Variants in STIM1 observed in about 807,000 individuals in gnomAD.
The protein encoded by STIM1 is stromal interaction molecule 1.
STIM1 carries 25 observed loss-of-function variants against 74.7 expected under a neutral mutation model. The observed-to-expected ratio is 0.33, with a 90% CI of 0.24 to 0.47. STIM1 has a LOEUF of 0.47. STIM1 is among the 20% of genes least tolerant of loss of function. The pLI, the probability that STIM1 is intolerant of heterozygous loss-of-function variation, is 1.00. For synonymous variants in STIM1, 328 were observed against 348.8 expected (o/e 0.94, Z 0.66); for missense variants, 728 against 920.8 (o/e 0.79, Z 2.71).
At chr11:4,066,247 C>T (rs1304573892) in intron 5 of STIM1, among the ~76,000 whole-genome samples, 2 of 152,180 alleles carry the variant, frequency 1.3e-5, no homozygotes, top group African/African-American at 2.4e-5. Flanking sequence ...TTACTCTGCC[C>T]TGGCTATGGT....
At chr11:3,866,634 TC>T (rs2090869106) in intron 1 of STIM1, among the ~76,000 whole-genome samples, 1 of 151,938 alleles carries the variant, frequency 6.6e-6, no homozygotes, top group African/African-American at 2.4e-5. Flanking sequence ...ACCATGTTGA[TC>T]AGGCTGGTCT....
At chr11:3,868,813 G>C (rs2090967024) in intron 1 of STIM1, among the ~76,000 whole-genome samples, 1 of 152,144 alleles carries the variant, frequency 6.6e-6, no homozygotes, top group Admixed American at 6.5e-5. Context: ...TTTGTAGTTA[G>C]TGTTCTTTAT....
rs752777695 is a variant in STIM1 at position 4,084,728 on chromosome 11, C to T, written c.1530C>T (p.Ser510=). 31 of 1,289,304 alleles carry T rather than the reference C, an allele frequency of 2.4e-5. No individual in the cohort carries two copies. Among genetic ancestry groups the T allele is most frequent in the African/African-American group, 1.2e-4 (8 of 65,868 alleles). 79.9% of individuals were successfully genotyped at this position (1,289,304 alleles called of 1,614,324 possible). A position where few individuals can be genotyped will look rare whatever the true frequency, so the allele number is the denominator to read the frequency against. ...RFSDRSLCST[S]AGSDDQSLWK... ...GTGACCGCTCTCTCTGCTCTACATC[C>T]GCCGGCTCGGATGATCAGTCCCTCT... Residue 510 remains serine, a synonymous_variant, in exon 11 of 13, where the codon TCC becomes TCT. Transcript: ENST00000526596.
At chr11:4,081,800 C>T (rs2094466972) in intron 7 of STIM1, among the ~76,000 whole-genome samples, 2 of 152,218 alleles carry the variant, frequency 1.3e-5, no homozygotes, top group South Asian at 4.1e-4. Context: ...TTCTGTCACA[C>T]TGTGATGTCT....
At chr11:3,998,488 G>A (rs2093682788) in intron 2 of STIM1, among the ~76,000 whole-genome samples, 1 of 152,110 alleles carries the variant, frequency 6.6e-6, no homozygotes, top group Non-Finnish European at 1.5e-5. Flanking sequence ...ACAAACTCGA[G>A]AGACACTCCT....
intron 2 of STIM1, among the ~76,000 whole-genome samples, chr11:3,970,708 A>G (rs1319593000): frequency 6.6e-6 from 1 of 152,192 alleles, no homozygotes; most frequent in Non-Finnish European, 1.5e-5. Flanking sequence ...CAGCACATGC[A>G]TGTTAGGCAA....
At position 3,889,678 on chromosome 11, in the gene STIM1, T is replaced by A. The variant is rs568711141; in HGVS notation, c.139+33269T>A. 2.1e-3 allele frequency among the ~76,000 whole-genome samples: 315 copies of A among 152,346 alleles called. 2 individuals carry two copies. The highest frequency in any genetic ancestry group is 0.01 in the Middle Eastern group (3 of 294). ...TAAATTACTTGTTAAAGTCACTTTC[T>A]ATTAGCCGTATCTAGGCGCTTTTTT... is the stretch of plus-strand genomic sequence containing the variant. On this transcript the variant is annotated intron_variant, in intron 1 of 12. Transcript: ENST00000526596.
intron 5 of STIM1, among the ~76,000 whole-genome samples, chr11:4,063,226 C>A (rs1375760718): frequency 2.6e-5 from 4 of 152,168 alleles, no homozygotes; most frequent in African/African-American, 9.7e-5. Context: ...GAATATAGTA[C>A]AATCATTGAA....
intron 2 of STIM1, among the ~76,000 whole-genome samples, chr11:4,012,652 C>G (rs1214009520): frequency 1.3e-5 from 2 of 152,188 alleles, no homozygotes; most frequent in Non-Finnish European, 2.9e-5. Flanking sequence ...TCTAAATATA[C>G]AATCATGTCA....
chr11:3,913,108 T>C (rs1221626213), intron 1 of STIM1, among the ~76,000 whole-genome samples: 1 of 152,220 alleles, frequency 6.6e-6, no homozygotes, highest in Non-Finnish European at 1.5e-5. Context: ...TCCACTGTAT[T>C]TGAGGGTCTC....
At chr11:4,073,664 A>G (rs908863375) in intron 6 of STIM1, among the ~76,000 whole-genome samples, 1 of 152,192 alleles carries the variant, frequency 6.6e-6, no homozygotes, top group Admixed American at 6.5e-5. Context: ...GAAGTGAAGA[A>G]GCGGGAAGGC....
At position 3,872,402 on chromosome 11, in the gene STIM1, T is replaced by G. The variant is rs572136570; in HGVS notation, c.139+15993T>G. 3.3e-5 allele frequency among the ~76,000 whole-genome samples: 5 copies of G among 152,300 alleles called. No homozygotes were observed. The East Asian group carries it at 9.6e-4, about 29-fold the overall frequency. On this transcript the variant is annotated intron_variant, in intron 1 of 12. Coordinates refer to ENST00000526596, the MANE Select transcript of STIM1 (RefSeq NM_001382567.1). Reference sequence around the variant, plus strand: ...CAGGAAAAGTGTGGCTACACTGGCATTACACCAGTTGGAAGGGAGTGGGTC... The same window carrying G: ...CAGGAAAAGTGTGGCTACACTGGCAGTACACCAGTTGGAAGGGAGTGGGTC...
At chr11:3,953,087 TG>T (rs2093168575) in intron 1 of STIM1, among the ~76,000 whole-genome samples, 1 of 152,172 alleles carries the variant, frequency 6.6e-6, no homozygotes. Context: ...AAGGAGTAGC[TG>T]AGTGCACCCT....
chr11:3,987,969 C>G (rs1159028953), intron 2 of STIM1, among the ~76,000 whole-genome samples: 1 of 152,098 alleles, frequency 6.6e-6, no homozygotes, highest in Admixed American at 6.5e-5. Context: ...TATTCTTTGT[C>G]CCTAAGCCTC....
At chr11:3,956,823 CAAAAAAA>C (rs78285130) in intron 1 of STIM1, among the ~76,000 whole-genome samples, 888 of 38,144 alleles carry the variant, frequency 0.023, 16 homozygotes, top group African/African-American at 0.063. Context: ...ACCCTGTCTC[CAAAAAAA>C]AAAAAAAAAA....
chr11:4,042,648 C>T (rs2133002936), intron 3 of STIM1, among the ~76,000 whole-genome samples: 1 of 152,256 alleles, frequency 6.6e-6, no homozygotes, highest in East Asian at 1.9e-4. Flanking sequence ...TTCTCCTTGA[C>T]CCTATATATA....
intron 2 of STIM1, among the ~76,000 whole-genome samples, chr11:3,975,017 A>G (rs723779): frequency 0.1 from 15,703 of 152,216 alleles, 1,645 homozygotes; most frequent in African/African-American, 0.26. Context: ...TATTTAATAC[A>G]TATTAAAGCC....
chr11:4,024,069 T>G, intron 3 of STIM1, 82 bp downstream of exon 3: 1 of 1,177,762 alleles, frequency 8.5e-7, no homozygotes, highest in African/African-American at 1.5e-5. Flanking sequence ...TAGAAGAACA[T>G]GTATATAAAA....
intron 1 of STIM1, among the ~76,000 whole-genome samples, chr11:3,877,840 A>G (rs945155060): frequency 2.6e-5 from 4 of 152,252 alleles, no homozygotes; most frequent in East Asian, 1.9e-4. Flanking sequence ...CTTTTATCCT[A>G]TCATTCTAAA....
Sources: gnomAD v4.1 joint callset for allele counts (sites outside exome capture counted in the v4.1 genomes callset) on GRCh38, gnomAD v4.1.1 for gene constraint, MANE v1.5 for transcripts, NCBI Gene and HGNC (gene_info 2026-07-23, HGNC 2026-07-21) for gene names.